Variants in SRFBP1 observed in about 807,000 individuals in gnomAD.
The protein encoded by SRFBP1 is serum response factor binding protein 1, also known as serum response factor-binding protein 1.
SRFBP1 carries 47 observed loss-of-function variants against 45.5 expected under a neutral mutation model. That is an observed-to-expected ratio of 1.03 (90% CI 0.82 to 1.32). SRFBP1 has a LOEUF of 1.32. Among genes scored for constraint, SRFBP1 ranks in the 40% most tolerant of loss-of-function variants. The probability of loss-of-function intolerance (pLI) is 0.00; values close to 1 mark genes in which losing one functional copy is unlikely to be tolerated. For synonymous variants in SRFBP1, 203 were observed against 166.3 expected (o/e 1.22, Z -1.70); for missense variants, 621 against 484.6 (o/e 1.28, Z -2.64).
At chr5:122,003,946 T>C (rs533926389) in intron 4 of SRFBP1, among the ~76,000 whole-genome samples, 6 of 152,250 alleles carry the variant, frequency 3.9e-5, no homozygotes, top group Non-Finnish European at 8.8e-5. Flanking sequence ...GTTTCTATGT[T>C]TTATTTGAGA....
chr5:122,066,625 C>T (rs907865584), intron 2 of SRFBP1: 8 of 824,508 alleles, frequency 9.7e-6, no homozygotes, highest in Non-Finnish European at 1.4e-5. Context: ...AACAAAAATT[C>T]TTTTGTTGTT....
At chr5:121,981,058 T>G (rs927493348) in intron 3 of SRFBP1, among the ~76,000 whole-genome samples, 5 of 152,126 alleles carry the variant, frequency 3.3e-5, no homozygotes, top group African/African-American at 4.8e-5. Context: ...TGGTGGACCC[T>G]CCATCAGAGT....
chr5:122,002,598 T>A (rs1398051206), intron 4 of SRFBP1, among the ~76,000 whole-genome samples: 1 of 152,212 alleles, frequency 6.6e-6, no homozygotes, highest in Admixed American at 6.5e-5. Flanking sequence ...TAAGGAGGAA[T>A]CATCAGTCCA....
At chr5:121,999,517 C>T (rs1752809594) in intron 4 of SRFBP1, among the ~76,000 whole-genome samples, 2 of 151,606 alleles carry the variant, frequency 1.3e-5, no homozygotes, top group Admixed American at 1.3e-4. Context: ...TTTTTTTCTG[C>T]CTACTTTATT....
At chr5:122,004,113 G>T (rs1019839055) in intron 4 of SRFBP1, among the ~76,000 whole-genome samples, 3 of 152,106 alleles carry the variant, frequency 2.0e-5, no homozygotes, top group African/African-American at 7.2e-5. Context: ...TGTAGCAAGT[G>T]TAGCTGGGAC....
At chr5:122,074,626 G>A (rs574917976) in intron 2 of SRFBP1, among the ~76,000 whole-genome samples, 1 of 152,290 alleles carries the variant, frequency 6.6e-6, no homozygotes, top group African/African-American at 2.4e-5. Flanking sequence ...AAAAGCAAGG[G>A]AGAACTCATG....
intron 3 of SRFBP1, among the ~76,000 whole-genome samples, chr5:121,978,692 A>T (rs1388283766): frequency 6.6e-6 from 1 of 152,136 alleles, no homozygotes; most frequent in Non-Finnish European, 1.5e-5. Flanking sequence ...AGGTGTTGCC[A>T]TGTTGGCCAG....
intron 6 of SRFBP1, among the ~76,000 whole-genome samples, chr5:122,021,802 G>C (rs1753329363): frequency 1.4e-5 from 2 of 147,666 alleles, no homozygotes; most frequent in South Asian, 2.1e-4. Context: ...TCAGCCTCCT[G>C]AGTAGCTGGG....
chr5:121,972,433 A>G (rs1324707206), intron 1 of SRFBP1, among the ~76,000 whole-genome samples: 4 of 151,872 alleles, frequency 2.6e-5, no homozygotes, highest in Non-Finnish European at 4.4e-5. Context: ...TTGTAGAGTG[A>G]ACTGAACAGA....
At chr5:122,077,346 G>A (rs781699795), downstream of SRFBP1, 25 of 1,613,568 alleles carry the variant, frequency 1.5e-5, no homozygotes, top group African/African-American at 6.7e-5. This position sits in a 1 kb window ranked among gnomAD's most constrained non-coding sequence, Gnocchi z 4.9. Flanking sequence ...CGGACTTGGG[G>A]GTACTTACCG....
At chr5:122,077,911 G>A (rs1483836052), downstream of SRFBP1, 11 of 1,513,182 alleles carry the variant, frequency 7.3e-6, no homozygotes, top group Non-Finnish European at 9.6e-6. The surrounding 1 kb of genome is among the most constrained non-coding windows in gnomAD (Gnocchi z 4.9). Flanking sequence ...GTTGGCCGGC[G>A]GCGGGAGGGG....
At chr5:121,972,646 C>A (rs1752223313) in intron 1 of SRFBP1, among the ~76,000 whole-genome samples, 1 of 151,732 alleles carries the variant, frequency 6.6e-6, no homozygotes, top group South Asian at 2.1e-4. Context: ...ATCTAAACTG[C>A]ATAAAAAGAG....
chr5:122,030,353 G>A (rs1753569053), downstream of SRFBP1, among the ~76,000 whole-genome samples: 1 of 152,152 alleles, frequency 6.6e-6, no homozygotes, highest in African/African-American at 2.4e-5. Flanking sequence ...CCAGATTCAT[G>A]GTAGCTGTGA....
At chr5:122,010,848 T>C (rs1753078565) in intron 4 of SRFBP1, among the ~76,000 whole-genome samples, 1 of 152,150 alleles carries the variant, frequency 6.6e-6, no homozygotes, top group Non-Finnish European at 1.5e-5. Context: ...AAGAATTCTT[T>C]TTCCTTCCTA....
intron 3 of SRFBP1, among the ~76,000 whole-genome samples, chr5:121,982,754 A>C (rs1360232336): frequency 6.7e-6 from 1 of 148,972 alleles, no homozygotes; most frequent in South Asian, 2.1e-4. Context: ...AGATAAGCCT[A>C]CTTCAGAGGC....
chr5:121,968,226 T>C (rs1752114716), intron 1 of SRFBP1, among the ~76,000 whole-genome samples: 1 of 137,642 alleles, frequency 7.3e-6, no homozygotes, highest in African/African-American at 2.6e-5. Context: ...TCTGTCATTA[T>C]TATTATTATT....
At chr5:122,019,406 T>G in intron 5 of SRFBP1, 65 bp downstream of exon 5, 1 of 1,248,840 alleles carries the variant, frequency 8.0e-7, no homozygotes. Context: ...TAATGGCTAT[T>G]CACTTATTTT....
At chr5:122,055,317 C>T (rs755733816) in intron 2 of SRFBP1, among the ~76,000 whole-genome samples, 10 of 152,180 alleles carry the variant, frequency 6.6e-5, no homozygotes, top group Non-Finnish European at 8.8e-5. Context: ...CCAACGATCT[C>T]TTAATATCAT....
At chr5:121,976,745 A>G (rs1469357923) in intron 3 of SRFBP1, among the ~76,000 whole-genome samples, 1 of 150,474 alleles carries the variant, frequency 6.6e-6, no homozygotes, top group East Asian at 1.9e-4. Context: ...GCATGTATAT[A>G]TATATATAAT....
Sources: allele counts gnomAD v4.1 joint callset (sites outside exome capture counted in the v4.1 genomes callset), GRCh38; gene constraint gnomAD v4.1.1; non-coding constraint Gnocchi (gnomAD v3.1); transcripts MANE v1.5; gene names NCBI Gene and HGNC (gene_info 2026-07-23, HGNC 2026-07-21).